The following CCDC158 variants were observed in gnomAD, a reference collection of about 807,000 sequenced individuals.
CCDC158 encodes the protein coiled-coil domain-containing protein 158.
Under a neutral mutation model 138.6 loss-of-function variants are expected in CCDC158, and 116 were observed. The observed-to-expected ratio is 0.84, with a 90% confidence interval of 0.72 to 0.98. The LOEUF (loss-of-function observed/expected upper bound fraction) is 0.98, where lower values mean the gene tolerates loss of function less well. Ranked by LOEUF, CCDC158 falls within the 50% of genes least tolerant of loss-of-function variation. CCDC158 has a pLI of 0.00. For missense variants in CCDC158, 1,265 were observed against 1,306.1 expected, an observed-to-expected ratio of 0.97 and a Z score of 0.48; for synonymous variants, 436 against 442.4, an observed-to-expected ratio of 0.99 and a Z score of 0.18.
chr4:76,324,001 A>G (rs1309948480), intron 23 of CCDC158, among the ~76,000 whole-genome samples: 1 of 152,176 alleles, frequency 6.6e-6, no homozygotes, highest in African/African-American at 2.4e-5. Context: ...TGTTTTGTCA[A>G]CCTCTAAAAG....
intron 23 of CCDC158, 39 bp downstream of exon 23, chr4:76,325,818 A>T (rs755600777): frequency 3.1e-5 from 48 of 1,566,516 alleles, no homozygotes; most frequent in Non-Finnish European, 3.8e-5. Flanking sequence ...CAGTGTAGGA[A>T]ATCAATTAAT....
rs376612581 is a variant in CCDC158 at position 76,329,012 on chromosome 4, A to G, written c.2943-45T>C. On this transcript the variant is annotated intron_variant, in intron 21 of 24. Coordinates refer to ENST00000682701, the MANE Select transcript of CCDC158 (RefSeq NM_001394954.1). ...AATGCAAGCATTCCATTTCACAAAC[A>G]CAGTACTAAGATTCATAGATAGAAG... The G allele has an allele frequency of 9.6e-5, 140 of 1,457,322 alleles. No homozygotes were observed. In the Middle Eastern group the frequency reaches 1.2e-3, roughly 13 times the overall value. 90.3% of individuals were successfully genotyped at this position (1,457,322 alleles called of 1,614,324 possible).
intron 4 of CCDC158, among the ~76,000 whole-genome samples, chr4:76,393,476 A>G (rs912298601): frequency 6.6e-6 from 1 of 152,146 alleles, no homozygotes; most frequent in Non-Finnish European, 1.5e-5. Context: ...ATATTTAAAA[A>G]TTAAATCAAA....
Position 76,367,603 on chromosome 4 carries a change from T to G in CCDC158, c.1521A>C (p.Glu507Asp). Residue 507 changes from glutamate to aspartate, a missense_variant, in exon 12 of 25, where the codon GAA (glutamate) becomes GAC (aspartate). By Grantham distance (45) the Glu-to-Asp change is conservative. Transcript: ENST00000682701. ...TGGTAGCCTCGATGGCTCTCTCTTT[T>G]TCCTGGAGAGAAGTTGTCAGGTCCG... ...TISDLTTSLQ[E>D]KERAIEATNA... The G allele has an allele frequency of 6.2e-7, 1 of 1,614,230 alleles. No individual in the cohort carries two copies.
intron 13 of CCDC158, among the ~76,000 whole-genome samples, chr4:76,358,214 C>A (rs1156759682): frequency 1.3e-5 from 2 of 152,110 alleles, no homozygotes; most frequent in Non-Finnish European, 2.9e-5. Flanking sequence ...CATTGCTTTT[C>A]CAATACCACA....
chr4:76,369,393 T>C (rs766139135), intron 11 of CCDC158, 33 bp downstream of exon 11: 2 of 1,601,398 alleles, frequency 1.2e-6, no homozygotes, highest in Non-Finnish European at 1.7e-6. Context: ...GAGGAGATTG[T>C]TTGGCGATGG....
intron 8 of CCDC158, among the ~76,000 whole-genome samples, chr4:76,381,224 T>C (rs1015254341): frequency 6.6e-6 from 1 of 152,168 alleles, no homozygotes; most frequent in African/African-American, 2.4e-5. Context: ...GACCCCAGAA[T>C]GGTAGATCTA....
Position 76,351,134 on chromosome 4 carries a change from A to T in CCDC158, c.2539-13T>A, listed in dbSNP as rs748643136. 9.4e-6 allele frequency: 15 copies of T among 1,602,122 alleles called. No homozygotes were observed. Among genetic ancestry groups the T allele is most frequent in the Admixed American group, 7.0e-5 (4 of 57,540 alleles). ...GGCCCTGAAGTTCCTGGAAAACAAT[A>T]TAGAGGTAAGCAAAATAACTGCCAG... On this transcript the variant is annotated splice_polypyrimidine_tract_variant and intron_variant, in intron 17 of 24. Coordinates refer to ENST00000682701, the MANE Select transcript of CCDC158 (RefSeq NM_001394954.1).
At chr4:76,397,888 G>A (rs1727972780) in intron 3 of CCDC158, among the ~76,000 whole-genome samples, 1 of 152,146 alleles carries the variant, frequency 6.6e-6, no homozygotes, top group Non-Finnish European at 1.5e-5. Context: ...GGGCTTCCTA[G>A]CAAGATAGTT....
intron 2 of CCDC158, among the ~76,000 whole-genome samples, chr4:76,404,593 T>C (rs1419980249): frequency 6.6e-6 from 1 of 150,712 alleles, no homozygotes; most frequent in African/African-American, 2.4e-5. Flanking sequence ...GACAGAGAAA[T>C]AAAAAACAAA....
At chr4:76,327,341 A>G (rs1720617792) in intron 22 of CCDC158, among the ~76,000 whole-genome samples, 1 of 152,172 alleles carries the variant, frequency 6.6e-6, no homozygotes, top group South Asian at 2.1e-4. Context: ...TTGATTATAA[A>G]TATAGTTACA....
At chr4:76,416,782 A>T (rs1057345582) in intron 1 of CCDC158, among the ~76,000 whole-genome samples, 1 of 152,198 alleles carries the variant, frequency 6.6e-6, no homozygotes, top group African/African-American at 2.4e-5. Context: ...TAGATGTCAG[A>T]TGTATGGAAA....
rs1352264273 is a variant in CCDC158, at chr4:76,408,240, G to C, written c.-74+3850C>G. Among the ~76,000 whole-genome samples, 17 of 151,688 alleles carry C rather than the reference G, an allele frequency of 1.1e-4. No homozygotes were observed. The South Asian group carries it at 2.7e-3, about 24-fold the overall frequency. On this transcript the variant is annotated intron_variant, in intron 2 of 24. Transcript: ENST00000682701. ...CTAGGGTACATGTGCACAACGTGCAGGTTTGTTACATATGTACACATGTGC... is the reference window on the plus strand; with the variant it reads ...CTAGGGTACATGTGCACAACGTGCACGTTTGTTACATATGTACACATGTGC...
intron 3 of CCDC158, chr4:76,401,353 T>C: frequency 3.9e-6 from 2 of 507,562 alleles, no homozygotes; most frequent in Non-Finnish European, 7.8e-6. Flanking sequence ...ATTCTCTGTA[T>C]GCCCAGAGAA....
At chr4:76,413,698 C>A (rs1332373148) in intron 1 of CCDC158, among the ~76,000 whole-genome samples, 2 of 152,030 alleles carry the variant, frequency 1.3e-5, no homozygotes, top group Non-Finnish European at 2.9e-5. Flanking sequence ...GGTATTCTTT[C>A]TTGGGTAGAG....
chr4:76,336,821 C>T (rs983960088), intron 18 of CCDC158, among the ~76,000 whole-genome samples: 1 of 152,196 alleles, frequency 6.6e-6, no homozygotes, highest in Non-Finnish European at 1.5e-5. Flanking sequence ...GATCTGGATG[C>T]TATCGTTGAA....
chr4:76,358,651 G>C (rs1723820543), intron 13 of CCDC158, among the ~76,000 whole-genome samples: 1 of 152,042 alleles, frequency 6.6e-6, no homozygotes, highest in African/African-American at 2.4e-5. Flanking sequence ...TTTTTCACCT[G>C]CTGAATTCCT....
intron 24 of CCDC158, among the ~76,000 whole-genome samples, 189 bp downstream of exon 24, chr4:76,323,111 AAG>A (rs1720187554): frequency 6.6e-6 from 1 of 152,182 alleles, no homozygotes; most frequent in Non-Finnish European, 1.5e-5. Context: ...ATAGCAGGGC[AAG>A]AGTGACCTGC....
In CCDC158 at chr4:76,362,188, T is replaced by C. The variant is rs746707876; in HGVS notation, c.1958A>G (p.Gln653Arg). ...ERLRAVKDIK[Q>R]ERDQLLNEVK... ...CTCATTTAATAATTGATCTCTCTCTTGTTTGATGTCCTTCACTGCACGGAG... is the reference window on the plus strand; with the variant it reads ...CTCATTTAATAATTGATCTCTCTCTCGTTTGATGTCCTTCACTGCACGGAG... Residue 653 changes from glutamine (Q) to arginine (R), a missense_variant, in exon 13 of 25, where the codon CAA (glutamine) becomes CGA (arginine). Coordinates refer to ENST00000682701, the MANE Select transcript of CCDC158 (RefSeq NM_001394954.1). The C allele has an allele frequency of 1.9e-6, 3 of 1,613,966 alleles. No homozygotes were observed. The highest frequency in any genetic ancestry group is 2.2e-5 in the East Asian group (1 of 44,890).
Sources: gnomAD v4.1 joint callset for allele counts (sites outside exome capture counted in the v4.1 genomes callset) on GRCh38, gnomAD v4.1.1 for gene constraint, MANE v1.5 for transcripts, NCBI Gene and HGNC (gene_info 2026-07-23, HGNC 2026-07-21) for gene names.